Variants in CFAP74 observed in about 807,000 individuals in gnomAD.
CFAP74 encodes the protein cilia and flagella associated protein 74, also known as cilia- and flagella-associated protein 74.
In CFAP74, 124 loss-of-function variants were observed where a neutral mutation model predicts 188.9. The ratio of observed to expected loss-of-function variants is 0.66; its 90% CI spans 0.57 to 0.76. The LOEUF (loss-of-function observed/expected upper bound fraction) is 0.76. Among genes scored for constraint, CFAP74 ranks in the 30% least tolerant of loss-of-function variants. The probability of loss-of-function intolerance (pLI) is 0.00; values close to 1 mark genes in which losing one functional copy is unlikely to be tolerated. For missense variants in CFAP74, 2,198 were observed against 2,165.2 expected (o/e 1.02, Z -0.30); for synonymous variants, 956 against 916.7 (o/e 1.04, Z -0.77).
chr1:1,999,705 T>C (rs1381578464), intron 1 of CFAP74, among the ~76,000 whole-genome samples: 2 of 150,676 alleles, frequency 1.3e-5, no homozygotes, highest in Non-Finnish European at 3.0e-5. Context: ...TAACCCCAGC[T>C]ACTCGGGAGG....
chr1:1,960,746 G>A (rs971755272), intron 14 of CFAP74, among the ~76,000 whole-genome samples: 2 of 152,232 alleles, frequency 1.3e-5, no homozygotes, highest in African/African-American at 4.8e-5. Context: ...TCCTCCAATT[G>A]GGAGGGAAAT....
intron 16 of CFAP74, among the ~76,000 whole-genome samples, chr1:1,957,006 C>T (rs1465078041): frequency 2.6e-5 from 4 of 152,252 alleles, no homozygotes; most frequent in African/African-American, 9.6e-5. Flanking sequence ...CAGGAGCCCC[C>T]TCGCCACGGA....
At chr1:1,960,266 G>A (rs543348492) in intron 14 of CFAP74, among the ~76,000 whole-genome samples, 13 of 152,272 alleles carry the variant, frequency 8.5e-5, no homozygotes, top group Non-Finnish European at 1.8e-4. Context: ...GAGTGAGGGA[G>A]TTAATCACTG....
chr1:1,923,058 T>C lies in CFAP74; in HGVS notation c.4610A>G (p.Asp1537Gly), dbSNP rs1214165490. 8 of 1,609,038 alleles carry C rather than the reference T, an allele frequency of 5.0e-6. No individual in the cohort carries two copies. Among genetic ancestry groups the C allele is most frequent in the Non-Finnish European group, 6.8e-6 (8 of 1,178,946 alleles). Residue 1537 changes from aspartate to glycine, a missense_variant, in exon 37 of 39, where the codon GAC becomes GGC. Asp to Gly is a moderately conservative substitution (Grantham distance 94, BLOSUM62 -1). Transcript: ENST00000682832. The surrounding 1 kb of genome is among the most constrained non-coding windows in gnomAD (Gnocchi z 6.3). ...VTLDYIQFDT[D>G]TPAPPATREL... is the part of the protein sequence containing the mutation. ...TCGGGTGGCAGGTGGGGCTGGCGTG[T>C]CTGTGTCAAACTGGATGTAGTCCAG...
At chr1:2,003,528 C>T (rs1025446091) in intron 1 of CFAP74, among the ~76,000 whole-genome samples, 173 bp downstream of exon 1, 3 of 152,298 alleles carry the variant, frequency 2.0e-5, no homozygotes, top group African/African-American at 7.2e-5. Flanking sequence ...GAGGCTGTGC[C>T]AGCGCCGGGG....
intron 10 of CFAP74, among the ~76,000 whole-genome samples, chr1:1,969,895 G>A (rs1048672301): frequency 6.6e-6 from 1 of 152,268 alleles, no homozygotes; most frequent in Admixed American, 6.5e-5. Context: ...AGACTGGGAT[G>A]GGGAGAAAGG....
At chr1:1,982,235 C>G (rs1570972258) in intron 6 of CFAP74, among the ~76,000 whole-genome samples, 2 of 143,116 alleles carry the variant, frequency 1.4e-5, no homozygotes, top group African/African-American at 2.6e-5. Context: ...ACACGCAGGA[C>G]ACCCAGCCGT....
rs1012664659 is a variant in CFAP74 at position 1,928,775 on chromosome 1, C to T, written c.3387+9G>A. Reference sequence around the variant, plus strand: ...CGACCTACGCCCCTCCTTCCCGGGCCCCACGCACAGATTTGGTCTCCATTT... The same window carrying T: ...CGACCTACGCCCCTCCTTCCCGGGCTCCACGCACAGATTTGGTCTCCATTT... On this transcript the variant is annotated intron_variant, in intron 27 of 38. Coordinates refer to ENST00000682832, the MANE Select transcript of CFAP74 (RefSeq NM_001304360.2). 4.6e-6 allele frequency: 7 copies of T among 1,533,582 alleles called. No individual in the cohort carries two copies. The highest frequency in any genetic ancestry group is 1.4e-5 in the African/African-American group (1 of 73,000). 95.0% of individuals were successfully genotyped at this position (1,533,582 alleles called of 1,614,324 possible).
At chr1:1,997,202 C>T (rs1187591252) in intron 1 of CFAP74, among the ~76,000 whole-genome samples, 1 of 152,116 alleles carries the variant, frequency 6.6e-6, no homozygotes, top group Non-Finnish European at 1.5e-5. Context: ...GTTGGTGGAT[C>T]ACCTGAGGTC....
At chr1:1,988,278 GC>G in intron 4 of CFAP74, 1 of 645,524 alleles carries the variant, frequency 1.5e-6, no homozygotes, top group East Asian at 2.9e-5. Flanking sequence ...TCTGGGTGGC[GC>G]TGGGGGCAGC....
At chr1:2,002,976 A>T (rs1311454040) in intron 1 of CFAP74, among the ~76,000 whole-genome samples, 1 of 151,994 alleles carries the variant, frequency 6.6e-6, no homozygotes, top group Non-Finnish European at 1.5e-5. Flanking sequence ...AGTGAAAGTT[A>T]ACTATATTGT....
Position 1,925,774 on chromosome 1 carries a change from G to C in CFAP74, c.4104+9C>G, listed in dbSNP as rs1180786279. On this transcript the variant is annotated intron_variant, in intron 33 of 38. Transcript: ENST00000682832. ...CTGGAGCCAGCACCAGGGCCCACGT[G>C]TGCTTCACCTTGAAGCCTGAGGACA... is the stretch of plus-strand genomic sequence containing the variant. The C allele has an allele frequency of 6.2e-7, 1 of 1,607,968 alleles. No individual in the cohort carries two copies. Among genetic ancestry groups the C allele is most frequent in the Non-Finnish European group, 8.5e-7 (1 of 1,176,450 alleles).
chr1:1,934,108 T>TC (rs1360563011), intron 25 of CFAP74, among the ~76,000 whole-genome samples: 1 of 152,200 alleles, frequency 6.6e-6, no homozygotes, highest in African/African-American at 2.4e-5. Flanking sequence ...CATGGGGCTC[T>TC]CCAAGTTTCA....
intron 25 of CFAP74, among the ~76,000 whole-genome samples, chr1:1,936,499 A>C (rs1025453974): frequency 6.6e-6 from 1 of 151,200 alleles, no homozygotes; most frequent in Admixed American, 6.6e-5. Flanking sequence ...AGCCGAGATC[A>C]TGCCACTGCA....
chr1:1,958,058 CTT>C (rs1165454225), intron 16 of CFAP74, among the ~76,000 whole-genome samples: 14 of 152,270 alleles, frequency 9.2e-5, no homozygotes, highest in South Asian at 2.1e-4. Flanking sequence ...GAGGAAAACA[CTT>C]CTCTCTCTGC....
intron 25 of CFAP74, among the ~76,000 whole-genome samples, chr1:1,934,134 C>A (rs575073095): frequency 6.6e-6 from 1 of 152,212 alleles, no homozygotes; most frequent in Non-Finnish European, 1.5e-5. Context: ...CAAAGTCCTG[C>A]GGCCTGAGAA....
intron 6 of CFAP74, among the ~76,000 whole-genome samples, 176 bp from the exon 7 acceptor site, chr1:1,974,374 G>A (rs578087789): frequency 6.6e-6 from 1 of 152,326 alleles, no homozygotes; most frequent in East Asian, 1.9e-4. Flanking sequence ...GGCCCGCCCT[G>A]CCTGCCTCCA....
Position 1,923,970 on chromosome 1 carries a change from C to A in CFAP74, c.4235-41G>T. On this transcript the variant is annotated intron_variant, in intron 34 of 38. Transcript: ENST00000682832. This position sits in a 1 kb window ranked among gnomAD's most constrained non-coding sequence, Gnocchi z 6.3. ...GGTGCAGTTTGGCCTTCTCCACCTG[C>A]AATCACTGTCTGCCCTCCAAGCCTT... The A allele has an allele frequency of 6.3e-7, 1 of 1,575,688 alleles. No homozygotes were observed.
At position 1,928,844 on chromosome 1, in the gene CFAP74, G is replaced by T; in HGVS notation, c.3327C>A (p.Pro1109=). 6.5e-7 allele frequency: 1 copy of T among 1,535,622 alleles called. No homozygotes were observed. The highest frequency in any genetic ancestry group is 8.7e-7 in the Non-Finnish European group (1 of 1,146,716). ...LVQVAFRPVL[P]EKLIRQEALP... ...GGGCTTCCTGGCGGATCAGCTTCTC[G>T]GGCAGCACTGGCCGGAAGGCCACCT... is the stretch of plus-strand genomic sequence containing the variant. Residue 1109 remains proline (P), a synonymous_variant, in exon 27 of 39, where the codon CCC becomes CCA. Coordinates refer to ENST00000682832, the MANE Select transcript of CFAP74 (RefSeq NM_001304360.2).
Sources: gnomAD v4.1 joint callset for allele counts (sites outside exome capture counted in the v4.1 genomes callset) on GRCh38, gnomAD v4.1.1 for gene constraint, Gnocchi (gnomAD v3.1) non-coding constraint, MANE v1.5 for transcripts, NCBI Gene and HGNC (gene_info 2026-07-23, HGNC 2026-07-21) for gene names.